The following ILDR2 variants were observed in gnomAD, a reference collection of about 807,000 sequenced individuals.
The protein encoded by ILDR2 is immunoglobulin like domain containing receptor 2, also known as immunoglobulin-like domain-containing receptor 2.
In ILDR2, 25 loss-of-function variants were observed where a neutral mutation model predicts 66.8. The observed-to-expected ratio is 0.37, with a 90% CI of 0.27 to 0.52. ILDR2 has a LOEUF of 0.52. Among genes scored for constraint, ILDR2 ranks in the 20% least tolerant of loss-of-function variants. The probability of loss-of-function intolerance (pLI) is 0.88; values close to 1 mark genes in which losing one functional copy is unlikely to be tolerated. For missense variants in ILDR2, 827 were observed against 876.8 expected (o/e 0.94, Z 0.72); for synonymous variants, 367 against 357.2 (o/e 1.03, Z -0.31).
intron 3 of ILDR2, among the ~76,000 whole-genome samples, chr1:166,941,520 G>A (rs1661311533): frequency 6.6e-6 from 1 of 152,168 alleles, no homozygotes; most frequent in Admixed American, 6.5e-5. Context: ...GAAACTCAAC[G>A]AGGTAATAAT....
intron 1 of ILDR2, among the ~76,000 whole-genome samples, chr1:166,968,801 C>A (rs201682777): frequency 2.0e-5 from 3 of 152,124 alleles, no homozygotes; most frequent in Non-Finnish European, 4.4e-5. Flanking sequence ...ATAGTGGCTG[C>A]TCCTTCATCC....
chr1:166,921,501 T>C lies in ILDR2; in HGVS notation c.1212-122A>G. On this transcript the variant is annotated intron_variant, in intron 8 of 9. Transcript: ENST00000271417. This position sits in a 1 kb window ranked among gnomAD's most constrained non-coding sequence, Gnocchi z 5.3. ...AGGAGACCTCGGCCTGAGCCTCAGC[T>C]CCGCTCCAGGCTGGATGAAGCATTC... 1.3e-6 allele frequency: 1 copy of C among 790,748 alleles called. No homozygotes were observed. The highest frequency in any genetic ancestry group is 1.9e-5 in the South Asian group (1 of 51,746). The allele number at this position is 790,748 out of a possible 1,614,324, so 49.0% of individuals were successfully genotyped here.
Position 166,957,951 on chromosome 1 carries a change from A to G in ILDR2, c.197T>C (p.Met66Thr). The G allele has an allele frequency of 1.9e-6, 3 of 1,614,158 alleles. No homozygotes were observed. Among genetic ancestry groups the G allele is most frequent in the Non-Finnish European group, 2.5e-6 (3 of 1,180,024 alleles). Residue 66 changes from methionine to threonine, a missense_variant, in exon 2 of 10, where the codon ATG (methionine) becomes ACG (threonine). Met to Thr is a moderately conservative substitution (Grantham distance 81). Transcript: ENST00000271417. Reference sequence around the variant, plus strand: ...AGAGGACATGCCCAAGGATTCTCCCATGCGATCCTGGCAGTAGGACTTGAA... The same window carrying G: ...AGAGGACATGCCCAAGGATTCTCCCGTGCGATCCTGGCAGTAGGACTTGAA... ...WKFKSYCQDRMGESLGMSSTR... is the reference protein window; with the variant it reads ...WKFKSYCQDRTGESLGMSSTR...
At chr1:166,938,417 T>C (rs527830568) in intron 4 of ILDR2, among the ~76,000 whole-genome samples, 1 of 152,342 alleles carries the variant, frequency 6.6e-6, no homozygotes, top group African/African-American at 2.4e-5. Flanking sequence ...TTCTTGAGAC[T>C]GGGACATGTA....
At chr1:166,919,512 A>C in intron 9 of ILDR2, 122 bp from the exon 10 acceptor site, 5 of 801,918 alleles carry the variant, frequency 6.2e-6, no homozygotes, top group Non-Finnish European at 7.8e-6. Flanking sequence ...CCTGATTCTC[A>C]GAACCTTTCA....
intron 2 of ILDR2, among the ~76,000 whole-genome samples, chr1:166,901,576 T>G (rs1000815384): frequency 6.6e-6 from 1 of 151,860 alleles, no homozygotes; most frequent in African/African-American, 2.4e-5. Flanking sequence ...TCCCAATTTG[T>G]TTTTTTTATA....
intron 1 of ILDR2, among the ~76,000 whole-genome samples, chr1:166,972,912 A>T (rs561396346): frequency 7.9e-5 from 12 of 152,198 alleles, no homozygotes; most frequent in Admixed American, 5.9e-4. Context: ...CTTTCGTCTC[A>T]TGGTTCTCTG....
intron 4 of ILDR2, among the ~76,000 whole-genome samples, chr1:166,938,946 C>G (rs923191806): frequency 6.6e-5 from 10 of 152,170 alleles, no homozygotes; most frequent in Non-Finnish European, 1.2e-4. Context: ...TCCCAGATGT[C>G]CTTCACATAT....
chr1:166,906,758 T>C (rs1172724067), downstream of ILDR2, among the ~76,000 whole-genome samples: 1 of 152,254 alleles, frequency 6.6e-6, no homozygotes, highest in Non-Finnish European at 1.5e-5. Flanking sequence ...TTGAGTTTTC[T>C]GCTTAGGAAA....
intron 1 of ILDR2, among the ~76,000 whole-genome samples, chr1:166,971,820 CTT>C (rs1450303274): frequency 6.6e-6 from 1 of 152,176 alleles, no homozygotes; most frequent in Non-Finnish European, 1.5e-5. Flanking sequence ...AGGACTATGT[CTT>C]TTAGTGCCTC....
intron 9 of ILDR2, 111 bp from the exon 10 acceptor site, chr1:166,919,501 C>T: frequency 2.2e-6 from 2 of 919,320 alleles, no homozygotes; most frequent in Non-Finnish European, 3.3e-6. Flanking sequence ...TGCCAGGCAC[C>T]CCTGATTCTC....
chr1:166,923,421 C>G (rs757583458), intron 7 of ILDR2, among the ~76,000 whole-genome samples: 1 of 152,184 alleles, frequency 6.6e-6, no homozygotes, highest in Non-Finnish European at 1.5e-5. Flanking sequence ...CCATATACCC[C>G]CTGACTTAGC....
intron 7 of ILDR2, among the ~76,000 whole-genome samples, chr1:166,924,591 G>A (rs1016303914): frequency 6.6e-6 from 1 of 152,196 alleles, no homozygotes; most frequent in Admixed American, 6.5e-5. Context: ...GGGCCAGAGA[G>A]TAAATATTTT....
intron 6 of ILDR2, among the ~76,000 whole-genome samples, chr1:166,930,188 A>G (rs1339201121): frequency 6.6e-6 from 1 of 152,156 alleles, no homozygotes; most frequent in Non-Finnish European, 1.5e-5. Flanking sequence ...ATAGTTTTCT[A>G]TGTCATTATA....
At chr1:166,955,096 T>C (rs1338379001) in intron 3 of ILDR2, among the ~76,000 whole-genome samples, 2 of 152,228 alleles carry the variant, frequency 1.3e-5, no homozygotes, top group African/African-American at 4.8e-5. Context: ...CTTTTTGATT[T>C]ATAGAGTCAC....
intron 2 of ILDR2, among the ~76,000 whole-genome samples, chr1:166,898,810 A>G (rs1295595844): frequency 6.6e-6 from 1 of 152,098 alleles, no homozygotes; most frequent in African/African-American, 2.4e-5. Flanking sequence ...CTGTAATCTC[A>G]GCACTTTGGG....
Position 166,912,543 on chromosome 1 carries a change from T to A in ILDR2, c.*6812A>T, listed in dbSNP as rs1659494123. Reference sequence around the variant, plus strand: ...ATACAAAATCCAGAGGTAATCAAACTGTTTTAGAGTCTATCTTTAAGTTAA... The same window carrying A: ...ATACAAAATCCAGAGGTAATCAAACAGTTTTAGAGTCTATCTTTAAGTTAA... On this transcript the variant is annotated 3_prime_UTR_variant, in exon 10 of 10. Transcript: ENST00000271417. The A allele has an allele frequency of 6.6e-6, 1 of 152,194 alleles. No homozygotes were observed. Among genetic ancestry groups the A allele is most frequent in the Non-Finnish European group, 1.5e-5 (1 of 68,038 alleles). The allele number at this position is 152,194 out of a possible 1,614,324, so 9.4% of individuals were successfully genotyped here.
At chr1:166,905,377 T>C (rs1051952544), downstream of ILDR2, among the ~76,000 whole-genome samples, 40 of 152,216 alleles carry the variant, frequency 2.6e-4, 1 homozygote, top group African/African-American at 8.9e-4. Flanking sequence ...GCATTTGGTA[T>C]GCACTGAAGG....
chr1:166,901,990 A>G (rs570452437), intron 2 of ILDR2, among the ~76,000 whole-genome samples: 1 of 152,282 alleles, frequency 6.6e-6, no homozygotes, highest in South Asian at 2.1e-4. Flanking sequence ...CCTCCCGAGT[A>G]GCAGGGATTA....
Sources: gnomAD v4.1 joint callset for allele counts (sites outside exome capture counted in the v4.1 genomes callset) on GRCh38, gnomAD v4.1.1 for gene constraint, Gnocchi (gnomAD v3.1) non-coding constraint, MANE v1.5 for transcripts, NCBI Gene and HGNC (gene_info 2026-07-23, HGNC 2026-07-21) for gene names.